GPT2: variants seen among roughly 807,000 people sequenced by gnomAD.
GPT2 encodes glutamic--pyruvic transaminase 2.
GPT2 carries 30 observed loss-of-function variants against 56.9 expected under a neutral mutation model. The observed-to-expected ratio is 0.53, with a 90% CI of 0.39 to 0.72. GPT2 has a LOEUF of 0.72. Ranked by LOEUF, GPT2 falls within the 30% of genes least tolerant of loss-of-function variation. GPT2 has a pLI of 0.00. For synonymous variants in GPT2, 271 were observed against 283.1 expected (o/e 0.96, Z 0.43); for missense variants, 542 against 703.4 (o/e 0.77, Z 2.60).
chr16:46,910,805 G>C (rs1257677994), intron 6 of GPT2, among the ~76,000 whole-genome samples: 8 of 152,040 alleles, frequency 5.3e-5, no homozygotes, highest in Non-Finnish European at 8.8e-5. Context: ...CTTGCTGTGT[G>C]TCCCAGGCTG....
At chr16:46,885,424 G>A (rs1418196122) in intron 2 of GPT2, 5 of 954,404 alleles carry the variant, frequency 5.2e-6, no homozygotes, top group Non-Finnish European at 6.2e-6. Flanking sequence ...GCGGAAAGTT[G>A]GTTCTGTTCC....
In GPT2 at chr16:46,928,948, T is replaced by C. The variant is rs748043771; in HGVS notation, c.1523T>C (p.Leu508Pro). ...LPPVEKLKTVLQKVKDFHINF... is the reference protein window; with the variant it reads ...LPPVEKLKTVPQKVKDFHINF... ...CCAGTGGAGAAGCTGAAAACGGTGC[T>C]GCAGAAGGTGAAAGACTTCCACATC... The change falls in exon 12 of 12, where the codon CTG (leucine) becomes CCG (proline). Residue 508 changes from leucine to proline, a missense_variant. Leu to Pro is a moderately conservative substitution (Grantham distance 98). Coordinates refer to ENST00000340124, the MANE Select transcript of GPT2 (RefSeq NM_133443.4). 2 of 1,614,186 alleles carry C rather than the reference T, an allele frequency of 1.2e-6. No individual in the cohort carries two copies. Among genetic ancestry groups the C allele is most frequent in the South Asian group, 2.2e-5 (2 of 91,082 alleles).
At chr16:46,897,583 C>T (rs1596864376) in intron 2 of GPT2, 65 bp from the exon 3 acceptor site, 1 of 1,484,260 alleles carries the variant, frequency 6.7e-7, no homozygotes, top group Non-Finnish European at 9.4e-7. Context: ...GGAACCTTGC[C>T]TGGCCTCTGG....
intron 3 of GPT2, among the ~76,000 whole-genome samples, chr16:46,899,677 GGGA>G (rs1313720982): frequency 3.3e-5 from 5 of 152,216 alleles, no homozygotes; most frequent in Non-Finnish European, 7.4e-5. Flanking sequence ...GAAATGAGGT[GGGA>G]GGAGGCCAGA....
chr16:46,917,139 A>G (rs577832887), intron 7 of GPT2, among the ~76,000 whole-genome samples: 225 of 152,276 alleles, frequency 1.5e-3, no homozygotes, highest in African/African-American at 5.0e-3. Flanking sequence ...GGTTGCAGCA[A>G]GTCTCAGAAT....
At chr16:46,920,197 G>A (rs1167111924) in intron 8 of GPT2, among the ~76,000 whole-genome samples, 1 of 152,238 alleles carries the variant, frequency 6.6e-6, no homozygotes, top group Admixed American at 6.5e-5. Flanking sequence ...TCAAACAACA[G>A]GAAGGATGGT....
chr16:46,922,896 G>A (rs370955352), intron 9 of GPT2, among the ~76,000 whole-genome samples: 13 of 152,260 alleles, frequency 8.5e-5, no homozygotes, highest in African/African-American at 2.6e-4. Context: ...CTCCCAACTG[G>A]TCCAGGCTCA....
intron 6 of GPT2, among the ~76,000 whole-genome samples, chr16:46,910,925 G>A (rs1033738062): frequency 3.3e-5 from 5 of 152,094 alleles, no homozygotes; most frequent in Non-Finnish European, 7.4e-5. Context: ...TTTTTTGGGT[G>A]TTTTTTTCCC....
intron 6 of GPT2, 110 bp downstream of exon 6, chr16:46,910,037 C>A: frequency 7.2e-7 from 1 of 1,389,948 alleles, no homozygotes; most frequent in South Asian, 1.5e-5. Flanking sequence ...CCCTAGTTTC[C>A]CTTCCAGATT....
chr16:46,929,254 G>C lies in GPT2; in HGVS notation c.*257G>C, dbSNP rs537064795. ...GGTGTGACCAGGGTTCTCTGAATCT[G>C]TTATTGTTTTTGCTTCTGGAAAGTT... On this transcript the variant is annotated 3_prime_UTR_variant, in exon 12 of 12. Coordinates refer to ENST00000340124, the MANE Select transcript of GPT2 (RefSeq NM_133443.4). The C allele has an allele frequency of 2.2e-6, 1 of 448,424 alleles. No homozygotes were observed. Among genetic ancestry groups the C allele is most frequent in the Non-Finnish European group, 4.1e-6 (1 of 245,320 alleles). The allele number at this position is 448,424 out of a possible 1,614,324, so 27.8% of individuals were successfully genotyped here.
intron 9 of GPT2, 61 bp downstream of exon 9, chr16:46,922,477 C>T: frequency 6.7e-7 from 1 of 1,486,572 alleles, no homozygotes; most frequent in South Asian, 1.3e-5. Context: ...TCCTGCTGGG[C>T]CAGTGGCCAG....
In GPT2 at chr16:46,900,754, C is replaced by T. The variant is rs373687448; in HGVS notation, c.406C>T (p.Arg136Trp). Residue 136 changes from arginine (R) to tryptophan (W), a missense_variant, in exon 4 of 12, where the codon CGG (arginine) becomes TGG (tryptophan). Transcript: ENST00000340124. ...SFPEDAKKRA[R>W]RILQACGGNS... ...CCCAGAAGATGCTAAGAAACGTGCC[C>T]GGCGGATCCTGCAGGCTTGTGGCGG... 6.2e-6 allele frequency: 10 copies of T among 1,613,964 alleles called. No individual in the cohort carries two copies. Among genetic ancestry groups the T allele is most frequent in the East Asian group, 2.2e-5 (1 of 44,892 alleles).
At chr16:46,885,198 A>G in intron 2 of GPT2, 4 of 1,259,524 alleles carry the variant, frequency 3.2e-6, no homozygotes, top group Non-Finnish European at 4.0e-6. Flanking sequence ...TCAATTGTTG[A>G]GCGGGCCGTG....
intron 2 of GPT2, among the ~76,000 whole-genome samples, chr16:46,894,267 T>G (rs2143369938): frequency 6.6e-6 from 1 of 152,320 alleles, no homozygotes; most frequent in African/African-American, 2.4e-5. Context: ...TCTCTCCCTG[T>G]GTTGGGCTGG....
chr16:46,896,349 C>T lies in GPT2; in HGVS notation c.244-1299C>T, dbSNP rs189017136. On this transcript the variant is annotated intron_variant, in intron 2 of 11. Transcript: ENST00000340124. ...TTCTGTCACCTCCCCAGTGATGTCA[C>T]AAGGGTCTTGGACTTCTCTCTGTGA... Among the ~76,000 whole-genome samples the T allele has an allele frequency of 1.8e-4, 27 of 152,324 alleles. 1 individual carries two copies. In the East Asian group the frequency reaches 4.1e-3, roughly 23 times the overall value.
At chr16:46,890,290 G>A (rs1011251567) in intron 2 of GPT2, among the ~76,000 whole-genome samples, 3 of 152,174 alleles carry the variant, frequency 2.0e-5, no homozygotes, top group African/African-American at 4.8e-5. Flanking sequence ...CTTTCTGCCC[G>A]CCCTAGCCCC....
In GPT2 at chr16:46,885,451, T is replaced by G. The variant is rs1425337964; in HGVS notation, c.243+493T>G. The G allele has an allele frequency of 3.1e-6, 3 of 981,910 alleles. No homozygotes were observed. In the African/African-American group the frequency reaches 5.2e-5, roughly 17 times the overall value. The allele number at this position is 981,910 out of a possible 1,614,324, so 60.8% of individuals were successfully genotyped here. A position where few individuals can be genotyped will look rare whatever the true frequency, so the allele number is the denominator to read the frequency against. ...TTCTGTTCCCCAGTCTCTTTCTCCG[T>G]GTCTTTGGCCTTTAGGGTCTTTGCC... On this transcript the variant is annotated intron_variant, in intron 2 of 11. Transcript: ENST00000340124.
chr16:46,884,861 C>T lies in GPT2; in HGVS notation c.146C>T (p.Thr49Met). 6.5e-7 allele frequency: 1 copy of T among 1,544,938 alleles called. No individual in the cohort carries two copies. The highest frequency in any genetic ancestry group is 2.5e-5 in the East Asian group (1 of 40,522). ...CGCAGCCGGCGCGAGCGCATCCTCA[C>T]GCTGGAGTCCATGAACCCGCAGGTG... is the stretch of plus-strand genomic sequence containing the variant. ...PERSRRERIL[T>M]LESMNPQVKA... is the part of the protein sequence containing the mutation. The change falls in exon 2 of 12, where the codon ACG (threonine) becomes ATG (methionine). Residue 49 changes from threonine (T) to methionine (M), a missense_variant. Thr to Met is a moderately conservative substitution (Grantham distance 81). Transcript: ENST00000340124.
intron 2 of GPT2, chr16:46,885,527 C>T: frequency 1.0e-6 from 1 of 985,260 alleles, no homozygotes; most frequent in Non-Finnish European, 1.2e-6. Flanking sequence ...TTAGGCCCCT[C>T]TGGAGCCTTG....
Sources: allele counts gnomAD v4.1 joint callset (sites outside exome capture counted in the v4.1 genomes callset), GRCh38; gene constraint gnomAD v4.1.1; transcripts MANE v1.5; gene names NCBI Gene and HGNC (gene_info 2026-07-23, HGNC 2026-07-21).